The following CEP112 variants were observed in gnomAD, a reference collection of about 807,000 sequenced individuals.
CEP112 encodes centrosomal protein of 112 kDa.
A neutral mutation model predicts 153.0 loss-of-function variants in CEP112; 127 were observed. That is an observed-to-expected ratio of 0.83 (90% CI 0.72 to 0.96). CEP112 has a LOEUF of 0.96. Among genes scored for constraint, CEP112 ranks in the 40% least tolerant of loss-of-function variants. CEP112 has a pLI of 0.00. For synonymous variants in CEP112, 358 were observed against 374.4 expected, an observed-to-expected ratio of 0.96 and a Z score of 0.51; for missense variants, 1,089 against 1,101.2, an observed-to-expected ratio of 0.99 and a Z score of 0.16.
At chr17:65,936,681 A>C (rs954604536) in intron 18 of CEP112, among the ~76,000 whole-genome samples, 1 of 122,014 alleles carries the variant, frequency 8.2e-6, no homozygotes, top group East Asian at 8.1e-4. Context: ...AAGAATAAAA[A>C]CCACATGATT....
chr17:66,088,932 A>ATGACCT (rs2068038926), intron 8 of CEP112, among the ~76,000 whole-genome samples: 1 of 148,146 alleles, frequency 6.8e-6, no homozygotes, highest in East Asian at 2.0e-4. Flanking sequence ...CCCTAGAACC[A>ATGACCT]GGTCAGCCCT....
At chr17:65,911,256 G>A (rs891973245) in intron 19 of CEP112, among the ~76,000 whole-genome samples, 3 of 152,100 alleles carry the variant, frequency 2.0e-5, no homozygotes, top group Non-Finnish European at 2.9e-5. Context: ...AAAAAGCTAA[G>A]TTTATATAAC....
At chr17:66,079,569 T>C (rs990244220) in intron 8 of CEP112, among the ~76,000 whole-genome samples, 1 of 152,124 alleles carries the variant, frequency 6.6e-6, no homozygotes, top group African/African-American at 2.4e-5. Context: ...ATTGTGAAAA[T>C]AGCCATACTG....
intron 16 of CEP112, among the ~76,000 whole-genome samples, chr17:66,022,050 C>T (rs1202360516): frequency 1.3e-5 from 2 of 152,156 alleles, no homozygotes; most frequent in Non-Finnish European, 2.9e-5. Flanking sequence ...CTACCACAAT[C>T]ATCAATGCCA....
At chr17:66,150,087 A>T (rs1598442626) in intron 4 of CEP112, among the ~76,000 whole-genome samples, 1 of 141,522 alleles carries the variant, frequency 7.1e-6, no homozygotes, top group African/African-American at 2.6e-5. Flanking sequence ...TTTTAAGTAG[A>T]GACAAGGTTT....
chr17:65,810,147 A>C (rs1948959449), intron 21 of CEP112, among the ~76,000 whole-genome samples: 1 of 152,240 alleles, frequency 6.6e-6, no homozygotes, highest in African/African-American at 2.4e-5. Context: ...ATAAGGCAGT[A>C]GAATAATTAA....
At chr17:65,917,914 C>T (rs1392977392) in intron 19 of CEP112, among the ~76,000 whole-genome samples, 3 of 152,230 alleles carry the variant, frequency 2.0e-5, no homozygotes, top group South Asian at 4.1e-4. Context: ...CGGTGGCTCA[C>T]GCCTGTAATC....
intron 19 of CEP112, among the ~76,000 whole-genome samples, chr17:65,905,621 A>G (rs2060043183): frequency 6.6e-6 from 1 of 152,194 alleles, no homozygotes; most frequent in African/African-American, 2.4e-5. Context: ...AGGATTTTAA[A>G]TCATTCTACT....
At chr17:65,945,309 G>GT (rs1395045926) in intron 18 of CEP112, among the ~76,000 whole-genome samples, 1 of 152,080 alleles carries the variant, frequency 6.6e-6, no homozygotes, top group African/African-American at 2.4e-5. Flanking sequence ...GCATTTTCCA[G>GT]TTTTTTTACT....
At chr17:65,742,833 T>C (rs2051211547) in intron 23 of CEP112, among the ~76,000 whole-genome samples, 1 of 152,188 alleles carries the variant, frequency 6.6e-6, no homozygotes, top group African/African-American at 2.4e-5. Context: ...ATTTGTTCAA[T>C]GTGAATGGAT....
At chr17:66,083,549 T>C (rs945577201) in intron 8 of CEP112, among the ~76,000 whole-genome samples, 3 of 152,148 alleles carry the variant, frequency 2.0e-5, no homozygotes, top group African/African-American at 7.2e-5. Flanking sequence ...TTTTATACCA[T>C]TAAGAACTGA....
At chr17:66,119,247 G>A (rs1403693454) in intron 6 of CEP112, among the ~76,000 whole-genome samples, 1 of 152,138 alleles carries the variant, frequency 6.6e-6, no homozygotes, top group Admixed American at 6.6e-5. Flanking sequence ...AATGCACGCT[G>A]GGCTTAAGTG....
At chr17:65,689,618 G>A (rs573916854) in intron 23 of CEP112, among the ~76,000 whole-genome samples, 1 of 152,220 alleles carries the variant, frequency 6.6e-6, no homozygotes, top group East Asian at 1.9e-4. Context: ...TGTAATATCT[G>A]ACCAGCATAA....
At chr17:65,754,756 G>A (rs961381660) in intron 21 of CEP112, among the ~76,000 whole-genome samples, 1 of 152,190 alleles carries the variant, frequency 6.6e-6, no homozygotes. Context: ...GGTGTTGAAC[G>A]TGATTGTAAG....
At chr17:65,964,357 C>G (rs1308474129) in intron 17 of CEP112, among the ~76,000 whole-genome samples, 1 of 152,172 alleles carries the variant, frequency 6.6e-6, no homozygotes, top group Non-Finnish European at 1.5e-5. Flanking sequence ...ATATGAAAGA[C>G]TGAGCACTCT....
intron 20 of CEP112, among the ~76,000 whole-genome samples, chr17:65,897,358 A>C (rs1187029405): frequency 6.6e-6 from 1 of 152,188 alleles, no homozygotes; most frequent in Non-Finnish European, 1.5e-5. Context: ...GAATCATTTT[A>C]ATACAGGTGT....
chr17:65,970,204 A>ATG (rs1555738030), intron 17 of CEP112, among the ~76,000 whole-genome samples: 1 of 54,696 alleles, frequency 1.8e-5, no homozygotes, highest in Admixed American at 3.9e-4. Flanking sequence ...TGCTGCATGC[A>ATG]TGTCATGCAT....
intron 4 of CEP112, among the ~76,000 whole-genome samples, chr17:66,139,283 A>G (rs968129034): frequency 5.3e-5 from 8 of 152,310 alleles, no homozygotes; most frequent in African/African-American, 1.2e-4. Context: ...GAAATGAAAG[A>G]TAAGACATTA....
chr17:65,889,017 G>A (rs1191543620), intron 20 of CEP112, among the ~76,000 whole-genome samples: 1 of 152,082 alleles, frequency 6.6e-6, no homozygotes, highest in East Asian at 1.9e-4. Context: ...CCTAGGTGAG[G>A]CGTGAAGGCT....
Sources: allele counts gnomAD v4.1 joint callset (sites outside exome capture counted in the v4.1 genomes callset), GRCh38; gene constraint gnomAD v4.1.1; transcripts MANE v1.5; gene names NCBI Gene and HGNC (gene_info 2026-07-23, HGNC 2026-07-21).